ZMIZ1: variants seen among roughly 807,000 people sequenced by gnomAD.
The protein encoded by ZMIZ1 is zinc finger MIZ-type containing 1, also known as zinc finger MIZ domain-containing protein 1.
A neutral mutation model predicts 113.9 loss-of-function variants in ZMIZ1; 17 were observed. The ratio of observed to expected loss-of-function variants is 0.15; its 90% confidence interval spans 0.10 to 0.22. The LOEUF is 0.22. Ranked by LOEUF, ZMIZ1 falls within the 10% of genes least tolerant of loss-of-function variation. ZMIZ1 has a pLI of 1.00. For synonymous variants in ZMIZ1, 607 were observed against 603.1 expected (o/e 1.01, Z -0.09); for missense variants, 1,059 against 1,477.8 (o/e 0.72, Z 4.65).
At chr10:79,190,876 G>A (rs561050360) in intron 4 of ZMIZ1, among the ~76,000 whole-genome samples, 9 of 152,274 alleles carry the variant, frequency 5.9e-5, no homozygotes, top group South Asian at 2.1e-4. Flanking sequence ...GTCAGGAAAC[G>A]GGAAGTTTGC....
intron 4 of ZMIZ1, among the ~76,000 whole-genome samples, chr10:79,184,556 G>A (rs984286060): frequency 9.9e-5 from 15 of 152,112 alleles, no homozygotes; most frequent in African/African-American, 3.1e-4. Context: ...GCAATCACCC[G>A]CCCCCTCTCT....
chr10:79,174,447 G>T (rs533835983), intron 4 of ZMIZ1, among the ~76,000 whole-genome samples: 1 of 152,346 alleles, frequency 6.6e-6, no homozygotes, highest in South Asian at 2.1e-4. Flanking sequence ...TCCATTTGAT[G>T]GGCAGTGGGG....
At chr10:79,272,708 G>A (rs10824737) in intron 7 of ZMIZ1, among the ~76,000 whole-genome samples, 25,064 of 152,268 alleles carry the variant, frequency 0.16, 3,657 homozygotes, top group African/African-American at 0.39. Flanking sequence ...GGATCGAGGT[G>A]AGGGAGTCTG....
chr10:79,104,652 T>C (rs965801224), intron 1 of ZMIZ1, among the ~76,000 whole-genome samples: 10 of 152,108 alleles, frequency 6.6e-5, no homozygotes, highest in African/African-American at 2.2e-4. Flanking sequence ...AGGGGAGGGC[T>C]CTTTTGCTGT....
intron 1 of ZMIZ1, among the ~76,000 whole-genome samples, chr10:79,077,885 C>A (rs1039434234): frequency 6.6e-6 from 1 of 152,238 alleles, no homozygotes; most frequent in Non-Finnish European, 1.5e-5. Context: ...CACCAGCATT[C>A]CCATTGCCTT....
chr10:79,271,128 G>C (rs1449768725), intron 7 of ZMIZ1, among the ~76,000 whole-genome samples: 2 of 152,192 alleles, frequency 1.3e-5, no homozygotes, highest in Non-Finnish European at 2.9e-5. Flanking sequence ...ATGTGTGCCA[G>C]ATGAGCACAC....
intron 7 of ZMIZ1, among the ~76,000 whole-genome samples, chr10:79,231,874 G>A (rs1021712694): frequency 2.6e-5 from 4 of 152,210 alleles, no homozygotes; most frequent in East Asian, 1.9e-4. Context: ...CACCGTGCCC[G>A]GTCATGCCTG....
intron 3 of ZMIZ1, among the ~76,000 whole-genome samples, chr10:79,145,071 T>C (rs75187269): frequency 0.012 from 1,851 of 152,096 alleles, 34 homozygotes; most frequent in African/African-American, 0.042. Flanking sequence ...TCTTCTTCTC[T>C]GTCTCCCCTC....
In ZMIZ1 at chr10:79,266,912, T is replaced by C. The variant is rs115754366; in HGVS notation, c.281-10269T>C. Among the ~76,000 whole-genome samples, 484 of 152,282 alleles carry C rather than the reference T, an allele frequency of 3.2e-3. 1 individual carries two copies. The highest frequency in any genetic ancestry group is 0.011 in the African/African-American group (468 of 41,564). On this transcript the variant is annotated intron_variant, in intron 7 of 24. Transcript: ENST00000334512. ...TCAGACCACTCATTCCTGCTTTGAG[T>C]AAATCAGCCAGAGTAGGAATCCTAG...
intron 7 of ZMIZ1, among the ~76,000 whole-genome samples, chr10:79,255,782 CT>C (rs1430676454): frequency 6.6e-6 from 1 of 152,186 alleles, no homozygotes; most frequent in East Asian, 1.9e-4. Context: ...CACCCCTGCA[CT>C]TTTTCGATTT....
chr10:79,087,397 A>T (rs967728019), intron 1 of ZMIZ1, among the ~76,000 whole-genome samples: 7 of 152,180 alleles, frequency 4.6e-5, no homozygotes, highest in African/African-American at 1.7e-4. Context: ...GTACCCCGTG[A>T]CATTGGGTGT....
intron 4 of ZMIZ1, among the ~76,000 whole-genome samples, chr10:79,185,026 T>A (rs1489217436): frequency 6.6e-6 from 1 of 152,170 alleles, no homozygotes; most frequent in Admixed American, 6.5e-5. Context: ...AGAGCCCATA[T>A]TTTTGCAGAG....
intron 7 of ZMIZ1, among the ~76,000 whole-genome samples, chr10:79,247,317 A>G (rs1188861337): frequency 1.3e-5 from 2 of 152,176 alleles, no homozygotes. Flanking sequence ...GAGCCCTTCC[A>G]GGACCCATAG....
chr10:79,130,730 A>G (rs1005929000), intron 2 of ZMIZ1, among the ~76,000 whole-genome samples: 1 of 152,122 alleles, frequency 6.6e-6, no homozygotes, highest in South Asian at 2.1e-4. Flanking sequence ...CAATGACATC[A>G]TTTCTGAAAT....
intron 6 of ZMIZ1, among the ~76,000 whole-genome samples, chr10:79,209,923 C>T (rs1179893530): frequency 1.3e-5 from 2 of 152,358 alleles, no homozygotes; most frequent in Non-Finnish European, 2.9e-5. Context: ...CAGCCAGGAC[C>T]CTCCTGGGGC....
intron 4 of ZMIZ1, among the ~76,000 whole-genome samples, chr10:79,175,993 AAATGTGCCCTTTGTCT>A (rs1444105116): frequency 6.6e-6 from 1 of 152,014 alleles, no homozygotes; most frequent in Non-Finnish European, 1.5e-5. Context: ...TTTTCCCTGA[AAATGTGCCCTTTGTCT>A]AATGCTGGAG....
intron 2 of ZMIZ1, among the ~76,000 whole-genome samples, chr10:79,122,161 C>T (rs1309581844): frequency 6.6e-6 from 1 of 152,080 alleles, no homozygotes; most frequent in African/African-American, 2.4e-5. Flanking sequence ...GTGCAGGCGC[C>T]ACCAGTTACT....
Position 79,073,754 on chromosome 10 carries a change from T to C in ZMIZ1, c.-337+4484T>C, listed in dbSNP as rs1589241124. On this transcript the variant is annotated intron_variant, in intron 1 of 24. Coordinates refer to ENST00000334512, the MANE Select transcript of ZMIZ1 (RefSeq NM_020338.4). ...GGGGGTGCTCACTGTCATCTGCCTTTGTGTGCCAGGTTTGCCTCTGGGCAC... is the reference window on the plus strand; with the variant it reads ...GGGGGTGCTCACTGTCATCTGCCTTCGTGTGCCAGGTTTGCCTCTGGGCAC... Among the ~76,000 whole-genome samples the C allele has an allele frequency of 2.6e-5, 4 of 151,906 alleles. 1 individual carries two copies. The highest frequency in any genetic ancestry group is 2.6e-4 in the Admixed American group (4 of 15,274).
intron 1 of ZMIZ1, among the ~76,000 whole-genome samples, chr10:79,114,461 GTA>G (rs1387977018): frequency 1.5e-4 from 20 of 134,942 alleles, no homozygotes; most frequent in Non-Finnish European, 3.2e-5. Context: ...GCCTGGGTGT[GTA>G]TGTGTGTGTG....
Sources: gnomAD v4.1 joint callset for allele counts (sites outside exome capture counted in the v4.1 genomes callset) on GRCh38, gnomAD v4.1.1 for gene constraint, MANE v1.5 for transcripts, NCBI Gene and HGNC (gene_info 2026-07-23, HGNC 2026-07-21) for gene names.